The following XIAP variants were observed in gnomAD, a reference collection of about 807,000 sequenced individuals.
XIAP encodes the protein X-linked inhibitor of apoptosis.
XIAP carries 3 observed loss-of-function variants against 33.1 expected under a neutral mutation model. That is an observed-to-expected ratio of 0.09 (90% confidence interval 0.04 to 0.23). XIAP has a LOEUF of 0.23. Among genes scored for constraint, XIAP ranks in the 10% least tolerant of loss-of-function variants. XIAP has a pLI of 1.00. For synonymous variants in XIAP, 98 were observed against 121.3 expected, an observed-to-expected ratio of 0.81 and a Z score of 1.26; for missense variants, 264 against 363.0, an observed-to-expected ratio of 0.73 and a Z score of 2.22.
intron 1 of XIAP, among the ~76,000 whole-genome samples, chrX:123,862,856 GA>G (rs111374988): frequency 5.0e-4 from 49 of 97,827 alleles, no homozygotes; most frequent in Admixed American, 1.1e-3. Flanking sequence ...CCTTTGTCCC[GA>G]AAAAAAAAAA....
At chrX:123,877,093 T>C (rs1312172831) in intron 1 of XIAP, among the ~76,000 whole-genome samples, 1 of 103,494 alleles carries the variant, frequency 9.7e-6, no homozygotes, top group Non-Finnish European at 2.0e-5. Context: ...TGAGACAGAG[T>C]TTTGCTCTGT....
At chrX:123,879,243 G>A (rs1272275582) in intron 1 of XIAP, 5 of 109,629 alleles carry the variant, frequency 4.6e-5, no homozygotes, top group African/African-American at 6.6e-5. Flanking sequence ...TTGAAGACAC[G>A]GGTCTGAAGT....
chrX:123,864,635 AGTGTGTGTGT>A lies in XIAP; in HGVS notation c.-33+4379_-33+4388del, dbSNP rs748255094. ...GCACCCGCCACCACACCCGGCTTAG[AGTGTGTGTGT>A]GTGTGTGTGTGTGTGTGTGTGTGTG... On this transcript the variant is annotated intron_variant, in intron 1 of 6. Transcript: ENST00000371199. 4.3e-3 allele frequency among the ~76,000 whole-genome samples: 365 copies of A among 84,643 alleles called. 4 individuals are homozygous for A. Among genetic ancestry groups the A allele is most frequent in the Admixed American group, 0.019 (139 of 7,338 alleles). 73.5% of individuals were successfully genotyped at this position (84,643 alleles called of 115,157 possible). A position where few individuals can be genotyped will look rare whatever the true frequency, so the allele number is the denominator to read the frequency against.
At position 123,886,360 on chromosome X, in the gene XIAP, G is replaced by A. The variant is rs368511826; in HGVS notation, c.698G>A (p.Arg233Gln). The A allele has an allele frequency of 4.1e-6, 5 of 1,210,128 alleles. No individual in the cohort carries two copies. The highest frequency in any genetic ancestry group is 5.6e-6 in the Non-Finnish European group (5 of 895,390). The change falls in exon 2 of 7, where the codon CGG (arginine) becomes CAG (glutamine). Residue 233 changes from arginine (R) to glutamine (Q), a missense_variant. By Grantham distance (43) the Arg-to-Gln change is conservative. Coordinates refer to ENST00000371199, the MANE Select transcript of XIAP (RefSeq NM_001167.4). ...CCTAATTGCTTCTTTGTTTTGGGCC[G>A]GAATCTTAATATTCGAAGTGAATCT... Reference protein sequence around the residue: ...HFPNCFFVLGRNLNIRSESDA... With the variant: ...HFPNCFFVLGQNLNIRSESDA...
rs2053586456 is a variant in XIAP, at chrX:123,910,110, TA to T, written c.*2931del. The T allele has an allele frequency of 3.1e-5, 10 of 323,694 alleles. No individual in the cohort carries two copies. Among genetic ancestry groups the T allele is most frequent in the Non-Finnish European group, 6.0e-5 (10 of 167,733 alleles). The allele number at this position is 323,694 out of a possible 1,213,427, so 26.7% of individuals were successfully genotyped here. On this transcript the variant is annotated 3_prime_UTR_variant, in exon 7 of 7. Transcript: ENST00000371199. ...TGCAATAAGTACTTATCTTTATTTGTAATAATTTAGTCTGCTGATCAAAAGC... is the reference window on the plus strand; with the variant it reads ...TGCAATAAGTACTTATCTTTATTTGTATAATTTAGTCTGCTGATCAAAAGC...
At chrX:123,864,645 T>A (rs1215378713) in intron 1 of XIAP, among the ~76,000 whole-genome samples, 1 of 42,433 alleles carries the variant, frequency 2.4e-5, no homozygotes, top group South Asian at 6.6e-4. Context: ...AGTGTGTGTG[T>A]GTGTGTGTGT....
chrX:123,912,562 G>A lies in XIAP; in HGVS notation c.*5381G>A, dbSNP rs1209058371. 2 of 325,899 alleles carry A rather than the reference G, an allele frequency of 6.1e-6. No individual in the cohort carries two copies. Among genetic ancestry groups the A allele is most frequent in the East Asian group, 2.0e-4 (2 of 10,235 alleles). 26.9% of individuals were successfully genotyped at this position (325,899 alleles called of 1,213,427 possible). On this transcript the variant is annotated 3_prime_UTR_variant, in exon 7 of 7. Coordinates refer to ENST00000371199, the MANE Select transcript of XIAP (RefSeq NM_001167.4). ...AGGTGGGAGGATCGCTTGAGTCTGG[G>A]AGGCAGAGGCTGCATTGAGCTATGA...
In XIAP at chrX:123,912,776, G is replaced by A. The variant is rs745482676; in HGVS notation, c.*5595G>A. On this transcript the variant is annotated 3_prime_UTR_variant, in exon 7 of 7. Transcript: ENST00000371199. ...CTTGGCTCATGGCAAACTCTGCCTC[G>A]CAAGCAGCTGGGACTACAGGCATGC... 8 of 323,775 alleles carry A rather than the reference G, an allele frequency of 2.5e-5. No individual in the cohort carries two copies. Among genetic ancestry groups the A allele is most frequent in the African/African-American group, 8.1e-5 (3 of 36,902 alleles). 26.7% of individuals were successfully genotyped at this position (323,775 alleles called of 1,213,427 possible).
chrX:123,870,396 A>G (rs1378162090), intron 1 of XIAP, among the ~76,000 whole-genome samples: 2 of 112,188 alleles, frequency 1.8e-5, no homozygotes, highest in East Asian at 2.8e-4. Context: ...CTCATGAAAT[A>G]TGTTGTATCG....
chrX:123,864,917 C>T (rs1234076680), intron 1 of XIAP, among the ~76,000 whole-genome samples: 1 of 107,088 alleles, frequency 9.3e-6, no homozygotes, highest in Non-Finnish European at 1.9e-5. Context: ...CTCCTGACCT[C>T]GTGATCTGCC....
In XIAP at chrX:123,864,529, C is replaced by T. The variant is rs1034460014; in HGVS notation, c.-33+4236C>T. Among the ~76,000 whole-genome samples, 10 of 95,561 alleles carry T rather than the reference C, an allele frequency of 1.0e-4. No individual in the cohort carries two copies. In the East Asian group the frequency reaches 2.3e-3, roughly 22 times the overall value. 83.0% of individuals were successfully genotyped at this position (95,561 alleles called of 115,157 possible). A position where few individuals can be genotyped will look rare whatever the true frequency, so the allele number is the denominator to read the frequency against. On this transcript the variant is annotated intron_variant, in intron 1 of 6. Coordinates refer to ENST00000371199, the MANE Select transcript of XIAP (RefSeq NM_001167.4). ...TTGCCCAGGCTGGAGTGCAGTAGCG[C>T]GATCTTGGCTCACTGCAGGCACTGC... is the stretch of plus-strand genomic sequence containing the variant.
chrX:123,902,746 T>C (rs2053524687), intron 6 of XIAP, among the ~76,000 whole-genome samples: 1 of 112,225 alleles, frequency 8.9e-6, no homozygotes, highest in African/African-American at 3.2e-5. Flanking sequence ...CTGTATATAA[T>C]ATAAAAATCA....
In XIAP at chrX:123,911,049, T is replaced by C. The variant is rs916565694; in HGVS notation, c.*3868T>C. On this transcript the variant is annotated 3_prime_UTR_variant, in exon 7 of 7. Coordinates refer to ENST00000371199, the MANE Select transcript of XIAP (RefSeq NM_001167.4). The stretch of plus-strand genomic sequence containing the variant: ...GTATGTAAAGTTCCTGCTGTAAATA[T>C]GAACTCCCATCCTAATACCCTTTTA... 6.1e-5 allele frequency: 20 copies of C among 326,850 alleles called. No individual in the cohort carries two copies. Among genetic ancestry groups the C allele is most frequent in the Admixed American group, 5.3e-4 (17 of 31,792 alleles). The allele number at this position is 326,850 out of a possible 1,213,427, so 26.9% of individuals were successfully genotyped here.
intron 4 of XIAP, 30 bp downstream of exon 4, chrX:123,891,346 T>C: frequency 1.4e-6 from 1 of 730,649 alleles, no homozygotes; most frequent in Non-Finnish European, 2.0e-6. Context: ...TATTTTCAAA[T>C]TCACATTTCA....
At chrX:123,867,822 C>T (rs1196243468) in intron 1 of XIAP, among the ~76,000 whole-genome samples, 1 of 108,933 alleles carries the variant, frequency 9.2e-6, no homozygotes, top group Admixed American at 1.0e-4. Context: ...TACAGGCGCA[C>T]GCACAACCAT....
At chrX:123,864,767 C>CGTGTGTGTGTGTGT (rs752421505) in intron 1 of XIAP, among the ~76,000 whole-genome samples, 3 of 52,665 alleles carry the variant, frequency 5.7e-5, no homozygotes. Flanking sequence ...GTCGCATTCT[C>CGTGTGTGTGTGTGT]GTGTGTGTGT....
chrX:123,877,867 G>T (rs1332404323), intron 1 of XIAP, among the ~76,000 whole-genome samples: 2 of 110,292 alleles, frequency 1.8e-5, no homozygotes, highest in Non-Finnish European at 3.8e-5. Context: ...CCAGCTACTC[G>T]GGTGACTGAG....
intron 1 of XIAP, among the ~76,000 whole-genome samples, chrX:123,862,226 G>A (rs1022845376): frequency 2.8e-5 from 3 of 107,793 alleles, no homozygotes; most frequent in Non-Finnish European, 5.8e-5. Context: ...GCGCCACCAC[G>A]CCTGGCTAAT....
At chrX:123,889,243 A>C (rs190361098) in intron 3 of XIAP, among the ~76,000 whole-genome samples, 561 of 110,930 alleles carry the variant, frequency 5.1e-3, no homozygotes, top group Middle Eastern at 9.3e-3. Context: ...GGCAAGTGCC[A>C]CCACGCCCAG....
Sources: allele counts gnomAD v4.1 joint callset (sites outside exome capture counted in the v4.1 genomes callset), GRCh38; gene constraint gnomAD v4.1.1; transcripts MANE v1.5; gene names NCBI Gene and HGNC (gene_info 2026-07-23, HGNC 2026-07-21).